Variants in LRCH1 observed in about 807,000 individuals in gnomAD.
LRCH1 encodes the protein leucine rich repeats and calponin homology domain containing 1.
A neutral mutation model predicts 94.9 loss-of-function variants in LRCH1; 23 were observed. The observed-to-expected ratio is 0.24, with a 90% CI of 0.17 to 0.34. The LOEUF (loss-of-function observed/expected upper bound fraction) is 0.34, where lower values mean the gene tolerates loss of function less well. Ranked by LOEUF, LRCH1 falls within the 10% of genes least tolerant of loss-of-function variation. The pLI, the probability that LRCH1 is intolerant of heterozygous loss-of-function variation, is 1.00. For missense variants in LRCH1, 790 were observed against 945.9 expected, an observed-to-expected ratio of 0.84 and a Z score of 2.16; for synonymous variants, 364 against 354.9, an observed-to-expected ratio of 1.03 and a Z score of -0.29.
chr13:46,705,728 T>C lies in LRCH1; in HGVS notation c.1527+424T>C, dbSNP rs527466025. ...CACCTGAAAGACAAGAACAAATTAT[T>C]TGGGAATGTCGAGGAGGATTGAGAG... On this transcript the variant is annotated intron_variant, in intron 13 of 19. Coordinates refer to ENST00000389797, the MANE Select transcript of LRCH1 (RefSeq NM_001164211.2). 3.8e-4 allele frequency: 129 copies of C among 336,722 alleles called. 1 individual carries two copies. The highest frequency in any genetic ancestry group is 3.1e-3 in the South Asian group (123 of 39,190). The allele number at this position is 336,722 out of a possible 1,614,324, so 20.9% of individuals were successfully genotyped here.
At chr13:46,694,668 G>T (rs1031798682) in intron 8 of LRCH1, among the ~76,000 whole-genome samples, 1 of 152,162 alleles carries the variant, frequency 6.6e-6, no homozygotes, top group African/African-American at 2.4e-5. Context: ...AGGGAACTGA[G>T]CCCAGAGAGG....
chr13:46,702,735 C>T (rs1871546849), intron 11 of LRCH1, among the ~76,000 whole-genome samples: 1 of 152,056 alleles, frequency 6.6e-6, no homozygotes, highest in African/African-American at 2.4e-5. Flanking sequence ...GCATGAAGGT[C>T]AGAATGAATG....
chr13:46,642,083 G>A (rs182880659), intron 1 of LRCH1, among the ~76,000 whole-genome samples: 1 of 152,354 alleles, frequency 6.6e-6, no homozygotes. Flanking sequence ...AGCAGGAAAG[G>A]ACAATGCCCA....
At chr13:46,587,371 A>G (rs1035965464) in intron 1 of LRCH1, among the ~76,000 whole-genome samples, 10 of 152,230 alleles carry the variant, frequency 6.6e-5, no homozygotes, top group African/African-American at 2.4e-4. Context: ...TAAGTGACAA[A>G]TGTTGAGGCC....
intron 3 of LRCH1, among the ~76,000 whole-genome samples, chr13:46,670,368 G>C (rs1312387370): frequency 1.3e-5 from 2 of 152,180 alleles, no homozygotes; most frequent in Non-Finnish European, 2.9e-5. Context: ...TGTTGTGAAG[G>C]ACCATGGCAG....
intron 1 of LRCH1, among the ~76,000 whole-genome samples, chr13:46,636,520 C>A (rs1266112148): frequency 6.6e-6 from 1 of 152,192 alleles, no homozygotes; most frequent in Non-Finnish European, 1.5e-5. Context: ...CTCCAAGCCC[C>A]TGGCAACCAT....
chr13:46,748,043 T>C (rs1261944720), downstream of LRCH1, among the ~76,000 whole-genome samples: 1 of 152,222 alleles, frequency 6.6e-6, no homozygotes, highest in African/African-American at 2.4e-5. Context: ...TACACATTGT[T>C]CCCTTTGTAA....
Position 46,715,587 on chromosome 13 carries a change from C to T in LRCH1, c.1682C>T (p.Ser561Phe), listed in dbSNP as rs374267746. 24 of 1,537,128 alleles carry T rather than the reference C, an allele frequency of 1.6e-5. No individual in the cohort carries two copies. In the East Asian group the frequency reaches 5.1e-4, roughly 33 times the overall value. Residue 561 changes from serine (S) to phenylalanine (F), a missense_variant, in exon 16 of 20, where the codon TCC becomes TTC. Ser to Phe is a radical substitution (Grantham distance 155). Transcript: ENST00000389797. ...CCAGCCCTCATTCTTCCTCCTATCTCCTTCAACACACTTACACAGGCACAG... is the reference window on the plus strand; with the variant it reads ...CCAGCCCTCATTCTTCCTCCTATCTTCTTCAACACACTTACACAGGCACAG... Reference protein sequence around the residue: ...SDPALILPPISFNTLTQAQTW... With the variant: ...SDPALILPPIFFNTLTQAQTW...
At chr13:46,715,701 T>G in intron 16 of LRCH1, 37 bp downstream of exon 16, 1 of 1,276,496 alleles carries the variant, frequency 7.8e-7, no homozygotes, top group Middle Eastern at 1.8e-4. Context: ...ATGTTCTCAT[T>G]AATAAGCCAA....
chr13:46,580,774 C>G (rs1300041576), intron 1 of LRCH1, among the ~76,000 whole-genome samples: 1 of 152,142 alleles, frequency 6.6e-6, no homozygotes, highest in Non-Finnish European at 1.5e-5. Flanking sequence ...AAATGTGTTG[C>G]AGGGATATCA....
chr13:46,617,442 G>A (rs530896041), intron 1 of LRCH1, among the ~76,000 whole-genome samples: 7 of 152,176 alleles, frequency 4.6e-5, no homozygotes, highest in South Asian at 2.1e-4. Context: ...TGTTTTTTAA[G>A]TTGGTGCCTG....
chr13:46,559,296 G>A (rs140915025), intron 1 of LRCH1, among the ~76,000 whole-genome samples: 1 of 152,162 alleles, frequency 6.6e-6, no homozygotes, highest in Non-Finnish European at 1.5e-5. Context: ...ATTAAATTTG[G>A]TAGTTTTTAA....
intron 1 of LRCH1, among the ~76,000 whole-genome samples, chr13:46,633,972 C>T (rs1247157047): frequency 2.6e-5 from 4 of 151,714 alleles, no homozygotes; most frequent in East Asian, 1.9e-4. Flanking sequence ...CTCCATCTCC[C>T]GGGTTCAAGC....
chr13:46,611,161 A>G (rs1043604646), intron 1 of LRCH1, among the ~76,000 whole-genome samples: 1 of 152,154 alleles, frequency 6.6e-6, no homozygotes, highest in African/African-American at 2.4e-5. Context: ...CTGAGAACCA[A>G]TTTTGCAGTT....
downstream of LRCH1, among the ~76,000 whole-genome samples, chr13:46,747,942 A>G (rs1436687860): frequency 6.6e-6 from 1 of 151,994 alleles, no homozygotes; most frequent in Non-Finnish European, 1.5e-5. Flanking sequence ...GGGTCTCACT[A>G]TGTTGACCAG....
At chr13:46,666,191 C>G (rs12429970) in intron 2 of LRCH1, among the ~76,000 whole-genome samples, 9,400 of 152,198 alleles carry the variant, frequency 0.062, 396 homozygotes, top group East Asian at 0.21. Flanking sequence ...ATATATGGAA[C>G]ATAAATATGA....
At chr13:46,667,352 C>G (rs1284158680) in intron 2 of LRCH1, among the ~76,000 whole-genome samples, 1 of 152,064 alleles carries the variant, frequency 6.6e-6, no homozygotes, top group Non-Finnish European at 1.5e-5. Context: ...GATTTCTGCT[C>G]CCTCATATGG....
intron 2 of LRCH1, among the ~76,000 whole-genome samples, chr13:46,651,485 A>AC (rs2051297676): frequency 6.6e-6 from 1 of 151,862 alleles, no homozygotes; most frequent in South Asian, 2.1e-4. Context: ...ACACGGTGGA[A>AC]CCCCGTCTCT....
intron 17 of LRCH1, among the ~76,000 whole-genome samples, chr13:46,728,064 A>C (rs986238148): frequency 7.3e-5 from 11 of 151,304 alleles, no homozygotes; most frequent in Non-Finnish European, 1.2e-4. Context: ...CCGCAGGTAC[A>C]CATCACCACG....
Sources: allele counts gnomAD v4.1 joint callset (sites outside exome capture counted in the v4.1 genomes callset), GRCh38; gene constraint gnomAD v4.1.1; transcripts MANE v1.5; gene names NCBI Gene and HGNC (gene_info 2026-07-23, HGNC 2026-07-21).